Variants in BCAS3 observed in about 807,000 individuals in gnomAD.
The protein encoded by BCAS3 is BCAS4/BCAS3 fusion.
Under a neutral mutation model 116.1 loss-of-function variants are expected in BCAS3, and 53 were observed. That is an observed-to-expected ratio of 0.46 (90% CI 0.37 to 0.57). The LOEUF (loss-of-function observed/expected upper bound fraction) is 0.57. Ranked by LOEUF, BCAS3 falls within the 20% of genes least tolerant of loss-of-function variation. The pLI, the probability that BCAS3 is intolerant of heterozygous loss-of-function variation, is 0.00. For synonymous variants in BCAS3, 391 were observed against 408.2 expected (o/e 0.96, Z 0.51); for missense variants, 917 against 1,165.4 (o/e 0.79, Z 3.10).
At chr17:61,164,189 G>T (rs909428331) in intron 22 of BCAS3, among the ~76,000 whole-genome samples, 3 of 150,906 alleles carry the variant, frequency 2.0e-5, no homozygotes, top group Admixed American at 1.3e-4. Context: ...CATGTGTGTA[G>T]TAATTCCGAA....
intron 4 of BCAS3, among the ~76,000 whole-genome samples, chr17:60,703,774 C>T (rs147782977): frequency 0.049 from 7,376 of 151,236 alleles, 239 homozygotes; most frequent in Non-Finnish European, 0.071. Flanking sequence ...ATTAGCCGGG[C>T]GCGGTGGTGG....
In BCAS3 at chr17:61,097,471, T is replaced by A. The variant is rs1296413954; in HGVS notation, c.2425+12907T>A. ...GGGATTAGCCACTGTGACCAGCCTC[T>A]TTATTTCTTAGGTTTATATTTAAGT... On this transcript the variant is annotated intron_variant, in intron 22 of 23. Coordinates refer to ENST00000407086, the MANE Select transcript of BCAS3 (RefSeq NM_017679.5). The surrounding 1 kb of genome is among the most constrained non-coding windows in gnomAD (Gnocchi z 4.0). Among the ~76,000 whole-genome samples the A allele has an allele frequency of 6.6e-6, 1 of 152,190 alleles. No individual in the cohort carries two copies. The highest frequency in any genetic ancestry group is 1.5e-5 in the Non-Finnish European group (1 of 68,022).
At chr17:60,739,883 G>GTTTTTTT (rs910155139) in intron 5 of BCAS3, among the ~76,000 whole-genome samples, 1 of 143,620 alleles carries the variant, frequency 7.0e-6, no homozygotes, top group African/African-American at 2.6e-5. Context: ...TTTTGTTTTT[G>GTTTTTTT]TTTTTTTTTT....
rs118008464 is a variant in BCAS3, at chr17:60,835,094, T to C, written c.476+27018T>C. Among the ~76,000 whole-genome samples, 11 of 151,992 alleles carry C rather than the reference T, an allele frequency of 7.2e-5. No homozygotes were observed. In the East Asian group the frequency reaches 2.1e-3, roughly 29 times the overall value. ...GCAGTTTCTGCACTTTTGTTATCTA[T>C]CAGAAGAAAGCGATAAAATAGGAAA... On this transcript the variant is annotated intron_variant, in intron 7 of 23. Coordinates refer to ENST00000407086, the MANE Select transcript of BCAS3 (RefSeq NM_017679.5).
intron 6 of BCAS3, among the ~76,000 whole-genome samples, chr17:60,763,953 A>AT (rs1173434268): frequency 6.6e-5 from 10 of 151,978 alleles, no homozygotes; most frequent in African/African-American, 2.2e-4. Context: ...GAATTTATCC[A>AT]TTTTTTCTAG....
At chr17:60,683,444 A>G (rs2033492696) in intron 2 of BCAS3, among the ~76,000 whole-genome samples, 1 of 149,612 alleles carries the variant, frequency 6.7e-6, no homozygotes, top group African/African-American at 2.5e-5. Flanking sequence ...TTAATAACAT[A>G]TATAAAGACC....
rs535991401 is a variant in BCAS3 at position 61,327,071 on chromosome 17, C to T, written c.2426-41256C>T. Among the ~76,000 whole-genome samples the T allele has an allele frequency of 1.1e-4, 17 of 152,152 alleles. No individual in the cohort carries two copies. The South Asian group carries it at 1.7e-3, about 15-fold the overall frequency. Reference sequence around the variant, plus strand: ...CTGTAATCCCAGCACTTTGGGAGGCCGAGGTAGGCAGATCATGAGGTCAAG... The same window carrying T: ...CTGTAATCCCAGCACTTTGGGAGGCTGAGGTAGGCAGATCATGAGGTCAAG... On this transcript the variant is annotated intron_variant, in intron 22 of 23. Coordinates refer to ENST00000407086, the MANE Select transcript of BCAS3 (RefSeq NM_017679.5). This position sits in a 1 kb window ranked among gnomAD's most constrained non-coding sequence, Gnocchi z 5.9.
intron 22 of BCAS3, among the ~76,000 whole-genome samples, chr17:61,359,567 T>C (rs571474715): frequency 6.6e-6 from 1 of 151,494 alleles, no homozygotes; most frequent in African/African-American, 2.4e-5. Flanking sequence ...CGGATCTCAC[T>C]GCAATCTCTG....
chr17:61,102,431 C>T (rs564078915), intron 22 of BCAS3, among the ~76,000 whole-genome samples: 10 of 152,224 alleles, frequency 6.6e-5, no homozygotes, highest in African/African-American at 1.9e-4. Flanking sequence ...AAGCATTTCA[C>T]GTGCATTATC....
chr17:61,241,248 G>A lies in BCAS3; in HGVS notation c.2426-127079G>A, dbSNP rs570986188. Among the ~76,000 whole-genome samples, 1 of 152,212 alleles carries A rather than the reference G, an allele frequency of 6.6e-6. No homozygotes were observed. The highest frequency in any genetic ancestry group is 2.4e-5 in the African/African-American group (1 of 41,534). ...CTACGAATTTGTAGGTTGGTATTTA[G>A]CTTAGCAAGTGATGAAGCTAGTGAG... On this transcript the variant is annotated intron_variant, in intron 22 of 23. Transcript: ENST00000407086. This position sits in a 1 kb window ranked among gnomAD's most constrained non-coding sequence, Gnocchi z 4.6.
chr17:60,877,130 C>G (rs2055682468), intron 9 of BCAS3, among the ~76,000 whole-genome samples: 1 of 151,344 alleles, frequency 6.6e-6, no homozygotes, highest in African/African-American at 2.4e-5. Flanking sequence ...CTTTATAGGT[C>G]TGAGTTGGAA....
At chr17:60,770,834 GTTTTTTTTTTTTTTT>G (rs60854011) in intron 6 of BCAS3, among the ~76,000 whole-genome samples, 6 of 76,786 alleles carry the variant, frequency 7.8e-5, no homozygotes, top group Admixed American at 1.7e-4. Flanking sequence ...ACTGAAATTT[GTTTTTTTTTTTTTTT>G]TTTTTTTTTT....
At chr17:61,067,124 A>T (rs1006420828) in intron 19 of BCAS3, among the ~76,000 whole-genome samples, 24 of 151,108 alleles carry the variant, frequency 1.6e-4, no homozygotes, top group African/African-American at 5.1e-4. Context: ...ATTCAAAAAT[A>T]GAACTCTTCT....
intron 6 of BCAS3, among the ~76,000 whole-genome samples, chr17:60,806,721 T>C (rs1212335811): frequency 6.6e-6 from 1 of 151,960 alleles, no homozygotes; most frequent in Non-Finnish European, 1.5e-5. Context: ...CCCAACTAAT[T>C]TTTTGTTTTT....
intron 22 of BCAS3, among the ~76,000 whole-genome samples, chr17:61,190,960 A>G (rs555301092): frequency 6.6e-6 from 1 of 152,156 alleles, no homozygotes; most frequent in East Asian, 1.9e-4. Flanking sequence ...GGTCCCAGCT[A>G]CTCAAAAGAC....
At chr17:61,159,414 C>G (rs2078039862) in intron 22 of BCAS3, 1 of 152,140 alleles carries the variant, frequency 6.6e-6, no homozygotes, top group Non-Finnish European at 1.5e-5. Flanking sequence ...AGGTGAACAT[C>G]TTTCTAAATC....
chr17:60,996,375 A>T (rs2063837016), intron 15 of BCAS3, among the ~76,000 whole-genome samples: 1 of 152,170 alleles, frequency 6.6e-6, no homozygotes, highest in African/African-American at 2.4e-5. Context: ...TGGATTCTTG[A>T]TATATTTTTT....
At position 61,141,684 on chromosome 17, in the gene BCAS3, C is replaced by G. The variant is rs145050785; in HGVS notation, c.2425+57120C>G. 3.2e-3 allele frequency among the ~76,000 whole-genome samples: 484 copies of G among 152,230 alleles called. 3 individuals are homozygous for G. Among genetic ancestry groups the G allele is most frequent in the African/African-American group, 0.011 (467 of 41,548 alleles). On this transcript the variant is annotated intron_variant, in intron 22 of 23. Coordinates refer to ENST00000407086, the MANE Select transcript of BCAS3 (RefSeq NM_017679.5). This position sits in a 1 kb window ranked among gnomAD's most constrained non-coding sequence, Gnocchi z 4.3. ...TTGAGAGGCTGAGGTGGGCGGATCACGAGGTCAAGAGATCAAGACCATCCC... is the reference window on the plus strand; with the variant it reads ...TTGAGAGGCTGAGGTGGGCGGATCAGGAGGTCAAGAGATCAAGACCATCCC...
chr17:61,081,212 A>G (rs1055916401), intron 21 of BCAS3, among the ~76,000 whole-genome samples: 1 of 152,196 alleles, frequency 6.6e-6, no homozygotes, highest in African/African-American at 2.4e-5. Flanking sequence ...CGTGCACAAG[A>G]CACTGTCTCA....
Sources: gnomAD v4.1 joint callset for allele counts (sites outside exome capture counted in the v4.1 genomes callset) on GRCh38, gnomAD v4.1.1 for gene constraint, Gnocchi (gnomAD v3.1) non-coding constraint, MANE v1.5 for transcripts, NCBI Gene and HGNC (gene_info 2026-07-23, HGNC 2026-07-21) for gene names.